Variants in KAZN observed in about 807,000 individuals in gnomAD.
KAZN encodes the protein kazrin.
A neutral mutation model predicts 87.4 loss-of-function variants in KAZN; 40 were observed. That is an observed-to-expected ratio of 0.46 (90% CI 0.36 to 0.60). The LOEUF (loss-of-function observed/expected upper bound fraction) is 0.60, where lower values mean the gene tolerates loss of function less well. Among genes scored for constraint, KAZN ranks in the 20% least tolerant of loss-of-function variants. The pLI is 0.00. For missense variants in KAZN, 898 were observed against 1,073.9 expected (o/e 0.84, Z 2.29); for synonymous variants, 466 against 458.3 (o/e 1.02, Z -0.22).
chr1:14,116,668 G>A (rs1390140406), intron 1 of KAZN, among the ~76,000 whole-genome samples: 1 of 152,206 alleles, frequency 6.6e-6, no homozygotes, highest in Admixed American at 6.5e-5. Context: ...TAGTGGAGTT[G>A]TGAGAAGAGG....
intron 2 of KAZN, among the ~76,000 whole-genome samples, chr1:14,201,045 G>A (rs1159106675): frequency 6.6e-6 from 1 of 151,950 alleles, no homozygotes; most frequent in African/African-American, 2.4e-5. Flanking sequence ...GGCCTCTCCC[G>A]GCCCAATTTA....
At chr1:14,533,143 G>A (rs990969517) in intron 2 of KAZN, among the ~76,000 whole-genome samples, 1 of 152,128 alleles carries the variant, frequency 6.6e-6, no homozygotes, top group Admixed American at 6.6e-5. Flanking sequence ...AGCACCTTGA[G>A]AGCTTTCCCT....
At chr1:13,924,299 A>G (rs957016564) in intron 1 of KAZN, among the ~76,000 whole-genome samples, 1 of 152,208 alleles carries the variant, frequency 6.6e-6, no homozygotes, top group Non-Finnish European at 1.5e-5. Flanking sequence ...ATTTTAAATA[A>G]TTTTTTGATG....
At chr1:13,961,512 G>A (rs1308414386) in intron 1 of KAZN, among the ~76,000 whole-genome samples, 1 of 152,174 alleles carries the variant, frequency 6.6e-6, no homozygotes, top group Non-Finnish European at 1.5e-5. Flanking sequence ...AAGGCCCAAG[G>A]TGCCTTGTAG....
At chr1:15,085,337 G>A (rs1640200270) in intron 8 of KAZN, among the ~76,000 whole-genome samples, 1 of 151,794 alleles carries the variant, frequency 6.6e-6, no homozygotes, top group Admixed American at 6.6e-5. Context: ...TTATTATTTT[G>A]TTTTTTTTGA....
At chr1:14,582,083 G>A (rs1179766399) in intron 2 of KAZN, among the ~76,000 whole-genome samples, 1 of 151,788 alleles carries the variant, frequency 6.6e-6, no homozygotes, top group African/African-American at 2.4e-5. Flanking sequence ...AATAGCATCT[G>A]ACATGTATTA....
intron 1 of KAZN, among the ~76,000 whole-genome samples, chr1:13,984,873 C>T (rs1422235616): frequency 1.3e-5 from 2 of 152,148 alleles, no homozygotes; most frequent in African/African-American, 4.8e-5. Context: ...ATTCTATAAG[C>T]AGATATGTGC....
rs552090498 is a variant in KAZN at position 14,282,197 on chromosome 1, T to TA, written c.249+101606dup. Among the ~76,000 whole-genome samples, 56 of 152,348 alleles carry TA rather than the reference T, an allele frequency of 3.7e-4. 2 individuals carry two copies. The South Asian group carries it at 0.011, about 29-fold the overall frequency. On this transcript the variant is annotated intron_variant, in intron 2 of 16. Coordinates refer to the KAZN transcript ENST00000636203. ...TGTTTTGTCCATACCCTGCACCAGA[T>TA]ATGACTCAATCACTGGACAGGACAG... is the stretch of plus-strand genomic sequence containing the variant.
chr1:13,924,468 A>C (rs919948145), intron 1 of KAZN, among the ~76,000 whole-genome samples: 1 of 152,184 alleles, frequency 6.6e-6, no homozygotes, highest in Non-Finnish European at 1.5e-5. Flanking sequence ...ATATTGTGAA[A>C]GGAAAATAAA....
chr1:14,209,995 T>A (rs1646820483), intron 2 of KAZN, among the ~76,000 whole-genome samples: 1 of 152,198 alleles, frequency 6.6e-6, no homozygotes, highest in Non-Finnish European at 1.5e-5. Context: ...CCAGATTCAT[T>A]CCTTCAGCAG....
chr1:14,131,442 T>C (rs1477557676), intron 1 of KAZN, among the ~76,000 whole-genome samples: 2 of 152,292 alleles, frequency 1.3e-5, no homozygotes, highest in East Asian at 3.9e-4. Context: ...TTGGAATTTG[T>C]GTAGTTTGCC....
chr1:14,894,336 C>G (rs1330195870), intron 1 of KAZN, among the ~76,000 whole-genome samples: 3 of 152,214 alleles, frequency 2.0e-5, no homozygotes, highest in African/African-American at 7.2e-5. Flanking sequence ...CTAACTCCCG[C>G]TTTATAACTC....
intron 1 of KAZN, among the ~76,000 whole-genome samples, chr1:14,122,665 T>A (rs1291918650): frequency 2.0e-5 from 3 of 152,238 alleles, no homozygotes. Context: ...AGTAGCTAAT[T>A]GCACCTACCA....
intron 2 of KAZN, among the ~76,000 whole-genome samples, chr1:14,430,164 C>T (rs1337498451): frequency 6.7e-6 from 1 of 149,918 alleles, no homozygotes; most frequent in Non-Finnish European, 1.5e-5. Context: ...CGTGACTTTC[C>T]TGTTTAACAT....
intron 2 of KAZN, among the ~76,000 whole-genome samples, chr1:14,434,361 G>T (rs1407946460): frequency 6.6e-6 from 1 of 152,184 alleles, no homozygotes; most frequent in Non-Finnish European, 1.5e-5. Context: ...CAGCAGAGTT[G>T]TGCGGAGCCA....
intron 1 of KAZN, among the ~76,000 whole-genome samples, chr1:13,940,139 T>A (rs1360081811): frequency 6.6e-6 from 1 of 152,204 alleles, no homozygotes; most frequent in Non-Finnish European, 1.5e-5. Flanking sequence ...AGGGTGTTAA[T>A]GGTTTCATAG....
intron 1 of KAZN, among the ~76,000 whole-genome samples, chr1:14,625,428 T>C (rs1351651068): frequency 1.3e-5 from 2 of 152,158 alleles, no homozygotes; most frequent in African/African-American, 4.8e-5. Flanking sequence ...TTCACTCTTC[T>C]CTGCAAGTGG....
intron 2 of KAZN, among the ~76,000 whole-genome samples, chr1:14,206,989 G>A (rs896739000): frequency 2.1e-5 from 3 of 144,836 alleles, no homozygotes; most frequent in African/African-American, 7.7e-5. Context: ...TTGAGATGGA[G>A]TTTCACTCTT....
At chr1:14,595,973 G>A (rs1441266170), upstream of KAZN, among the ~76,000 whole-genome samples, 3 of 152,066 alleles carry the variant, frequency 2.0e-5, no homozygotes, top group Non-Finnish European at 4.4e-5. Flanking sequence ...AGGGGCTCAA[G>A]GAATGAGTCT....
Sources: gnomAD v4.1 joint callset for allele counts (sites outside exome capture counted in the v4.1 genomes callset) on GRCh38, gnomAD v4.1.1 for gene constraint, MANE v1.5 for transcripts, NCBI Gene and HGNC (gene_info 2026-07-23, HGNC 2026-07-21) for gene names.